Variants in GOSR2 observed in about 807,000 individuals in gnomAD.
GOSR2 encodes 27 kDa Golgi SNARE protein.
In GOSR2, 20 loss-of-function variants were observed where a neutral mutation model predicts 27.9. The observed-to-expected ratio is 0.72, with a 90% confidence interval of 0.50 to 1.04. The LOEUF (loss-of-function observed/expected upper bound fraction) is 1.04. Ranked by LOEUF, GOSR2 falls within the 50% of genes least tolerant of loss-of-function variation. The pLI is 0.00. For missense variants in GOSR2, 261 were observed against 270.5 expected, an observed-to-expected ratio of 0.97 and a Z score of 0.25; for synonymous variants, 91 against 98.8, an observed-to-expected ratio of 0.92 and a Z score of 0.47.
chr17:46,948,633 C>A, intron 6 of GOSR2: 1 of 152,234 alleles, frequency 6.6e-6, no homozygotes, highest in Admixed American at 6.5e-5. Context: ...GTGGTGAAGA[C>A]AAAGCCAATC....
intron 6 of GOSR2, among the ~76,000 whole-genome samples, chr17:46,951,576 C>G (rs2090349874): frequency 6.6e-6 from 1 of 152,134 alleles, no homozygotes; most frequent in African/African-American, 2.4e-5. Context: ...GGAACTTGTT[C>G]CCAGGGACTT....
At position 46,954,969 on chromosome 17, in the gene GOSR2, G is replaced by T. The variant is rs1028701143; in HGVS notation, c.584-11565G>T. On this transcript the variant is annotated intron_variant, in intron 6 of 6. Transcript: ENST00000573224. ...TACAATCATGTCATCTGCAAACAGG[G>T]ACAATTTGACTTCCTCTTTTCCTAA... 5.3e-5 allele frequency among the ~76,000 whole-genome samples: 8 copies of T among 151,980 alleles called. 1 individual carries two copies. In the East Asian group the frequency reaches 9.6e-4, roughly 18 times the overall value.
chr17:46,923,416 GGGCCTGGA>G lies in GOSR2; in HGVS notation c.29+197_29+204del, dbSNP rs2085994399. ...AGCCACAGACAGTGGGTTCAGGCTGGGGCCTGGAGACGTGGGGCAGATGACTCCTGGGG... is the reference window on the plus strand; with the variant it reads ...AGCCACAGACAGTGGGTTCAGGCTGGGACGTGGGGCAGATGACTCCTGGGG... On this transcript the variant is annotated intron_variant, in intron 1 of 5. Transcript: ENST00000640051. 4 of 1,438,184 alleles carry G rather than the reference GGGCCTGGA, an allele frequency of 2.8e-6. No individual in the cohort carries two copies. The African/African-American group carries it at 5.7e-5, about 21-fold the overall frequency. The allele number at this position is 1,438,184 out of a possible 1,614,324, so 89.1% of individuals were successfully genotyped here. A position where few individuals can be genotyped will look rare whatever the true frequency, so the allele number is the denominator to read the frequency against.
chr17:46,975,697 A>G (rs1192381173), downstream of GOSR2, among the ~76,000 whole-genome samples: 1 of 152,126 alleles, frequency 6.6e-6, no homozygotes, highest in Non-Finnish European at 1.5e-5. Context: ...ATACACTCAC[A>G]CCATGTGCCC....
intron 1 of GOSR2, among the ~76,000 whole-genome samples, chr17:46,926,511 A>G (rs886558647): frequency 7.2e-5 from 11 of 152,126 alleles, no homozygotes; most frequent in Admixed American, 2.6e-4. Context: ...GCTTTGTTAT[A>G]TTATCACCCA....
rs990769151 is a variant in GOSR2, at chr17:46,939,047, T to G, written c.*287T>G. ...TGGGGGAGGGAAAGAATGGCTTTGG[T>G]GGCTTTGTTCACATAGCTGATGCGT... On this transcript the variant is annotated 3_prime_UTR_variant, in exon 6 of 6. Transcript: ENST00000640051. 1 of 1,237,914 alleles carries G rather than the reference T, an allele frequency of 8.1e-7. No homozygotes were observed. The highest frequency in any genetic ancestry group is 1.0e-6 in the Non-Finnish European group (1 of 977,604). 76.7% of individuals were successfully genotyped at this position (1,237,914 alleles called of 1,614,324 possible). A position where few individuals can be genotyped will look rare whatever the true frequency, so the allele number is the denominator to read the frequency against.
Position 46,936,159 on chromosome 17 carries a change from G to A in GOSR2, c.477+990G>A, listed in dbSNP as rs1295985915. On this transcript the variant is annotated intron_variant, in intron 5 of 5. Coordinates refer to ENST00000640051, the MANE Select transcript of GOSR2 (RefSeq NM_004287.5). ...GGTGGTCTCCAGCAGCCTGCTGGGC[G>A]CTCCCCTTTCATGAGAGCCACCTGC... 26 of 985,156 alleles carry A rather than the reference G, an allele frequency of 2.6e-5. No homozygotes were observed. In the East Asian group the frequency reaches 5.7e-4, roughly 21 times the overall value. The allele number at this position is 985,156 out of a possible 1,614,324, so 61.0% of individuals were successfully genotyped here. A position where few individuals can be genotyped will look rare whatever the true frequency, so the allele number is the denominator to read the frequency against.
intron 6 of GOSR2, chr17:46,948,619 A>C (rs551287554): frequency 6.6e-6 from 1 of 152,368 alleles, no homozygotes; most frequent in African/African-American, 2.4e-5. Flanking sequence ...TACTTCACAG[A>C]ACTGTGGTGA....
exon 7 of GOSR2, chr17:46,966,672 T>A (rs2091334289): frequency 1.8e-6 from 1 of 557,558 alleles, no homozygotes; most frequent in Non-Finnish European, 3.2e-6. Flanking sequence ...GAACTCAGGC[T>A]TGGATTTGAA....
chr17:46,970,945 G>A (rs926991436), downstream of GOSR2, among the ~76,000 whole-genome samples: 1 of 152,198 alleles, frequency 6.6e-6, no homozygotes, highest in African/African-American at 2.4e-5. Flanking sequence ...AATATGAAAG[G>A]CTGCATGCCA....
chr17:46,940,853 AG>A lies in GOSR2; in HGVS notation c.*2097del. ...CAGCAGCCAGTGTGTCTGGACACCC[AG>A]GGGCATTGAGACTGCATGTTGTCAC... On this transcript the variant is annotated 3_prime_UTR_variant, in exon 6 of 6. Transcript: ENST00000640051. 7.0e-7 allele frequency: 1 copy of A among 1,436,848 alleles called. No homozygotes were observed. The highest frequency in any genetic ancestry group is 9.1e-7 in the Non-Finnish European group (1 of 1,097,732). The allele number at this position is 1,436,848 out of a possible 1,614,324, so 89.0% of individuals were successfully genotyped here. A position where few individuals can be genotyped will look rare whatever the true frequency, so the allele number is the denominator to read the frequency against.
chr17:46,950,432 A>G (rs1402307615), intron 6 of GOSR2, among the ~76,000 whole-genome samples: 3 of 152,184 alleles, frequency 2.0e-5, no homozygotes, highest in Non-Finnish European at 4.4e-5. Flanking sequence ...TAAGTGTATG[A>G]TCAGTGCCAG....
intron 1 of GOSR2, chr17:46,923,831 A>G: frequency 2.5e-6 from 1 of 399,426 alleles, no homozygotes; most frequent in Non-Finnish European, 4.4e-6. Flanking sequence ...CTTTATTCGC[A>G]TCGTCCTGCA....
intron 6 of GOSR2, among the ~76,000 whole-genome samples, chr17:46,962,093 C>T (rs1224649013): frequency 1.3e-5 from 2 of 152,094 alleles, no homozygotes; most frequent in African/African-American, 2.4e-5. Flanking sequence ...GCATTTTGGC[C>T]GAGGCGGGCA....
intron 3 of GOSR2, 70 bp downstream of exon 3, chr17:46,931,277 G>GAAAA: frequency 1.2e-6 from 1 of 828,338 alleles, no homozygotes; most frequent in Non-Finnish European, 2.1e-6. Flanking sequence ...CCCTGGGGGA[G>GAAAA]GTGATAGAAT....
intron 6 of GOSR2, among the ~76,000 whole-genome samples, chr17:46,950,850 G>T (rs2090287835): frequency 6.6e-6 from 1 of 152,192 alleles, no homozygotes; most frequent in Admixed American, 6.5e-5. Flanking sequence ...TGGTCTTGGG[G>T]ACCACCAAGC....
chr17:46,938,231 G>T (rs755344948), intron 5 of GOSR2, among the ~76,000 whole-genome samples: 1 of 151,982 alleles, frequency 6.6e-6, no homozygotes, highest in Admixed American at 6.6e-5. Context: ...TAGCTTTTAT[G>T]TTTAATTCTA....
At chr17:46,932,962 T>G (rs2087633926) in intron 4 of GOSR2, 1 of 152,458 alleles carries the variant, frequency 6.6e-6, no homozygotes, top group East Asian at 1.9e-4. Flanking sequence ...TTTCCTGCTT[T>G]GTAGATGTTT....
chr17:46,952,032 C>A (rs1418124464), intron 6 of GOSR2, among the ~76,000 whole-genome samples: 1 of 152,182 alleles, frequency 6.6e-6, no homozygotes, highest in Non-Finnish European at 1.5e-5. Context: ...TATATTGCAT[C>A]AGGGAGAGGG....
Sources: allele counts gnomAD v4.1 joint callset (sites outside exome capture counted in the v4.1 genomes callset), GRCh38; gene constraint gnomAD v4.1.1; transcripts MANE v1.5; gene names NCBI Gene and HGNC (gene_info 2026-07-23, HGNC 2026-07-21).